The following POU2F3 variants were observed in gnomAD, a reference collection of about 807,000 sequenced individuals.
POU2F3 encodes POU domain, class 2, transcription factor 3.
POU2F3 carries 23 observed loss-of-function variants against 59.2 expected under a neutral mutation model. The ratio of observed to expected loss-of-function variants is 0.39; its 90% CI spans 0.28 to 0.55. The LOEUF (loss-of-function observed/expected upper bound fraction) is 0.55. POU2F3 is among the 20% of genes least tolerant of loss of function. The pLI is 0.66. For synonymous variants in POU2F3, 190 were observed against 214.6 expected, an observed-to-expected ratio of 0.89 and a Z score of 1.00; for missense variants, 473 against 544.5, an observed-to-expected ratio of 0.87 and a Z score of 1.31.
rs189350777 is a variant in POU2F3 at position 120,303,825 on chromosome 11, A to G, written c.445-1205A>G. 3.9e-5 allele frequency: 6 copies of G among 152,312 alleles called. No homozygotes were observed. In the East Asian group the frequency reaches 9.6e-4, roughly 24 times the overall value. The allele number at this position is 152,312 out of a possible 1,614,324, so 9.4% of individuals were successfully genotyped here. ...CCAAATATCCCAGAGGAGAAGAAGT[A>G]ATGTTTAGTCTACAAAAAGTAAATC... is the stretch of plus-strand genomic sequence containing the variant. On this transcript the variant is annotated intron_variant, in intron 6 of 12. Transcript: ENST00000543440.
At chr11:120,278,280 C>T (rs911488931) in intron 3 of POU2F3, among the ~76,000 whole-genome samples, 3 of 152,134 alleles carry the variant, frequency 2.0e-5, no homozygotes, top group African/African-American at 7.2e-5. Context: ...TCTTCTACAG[C>T]GCAAGATGTC....
intron 2 of POU2F3, among the ~76,000 whole-genome samples, chr11:120,266,572 G>A (rs1171003119): frequency 2.0e-5 from 3 of 152,050 alleles, no homozygotes; most frequent in Admixed American, 2.0e-4. Context: ...CCTCATTATT[G>A]TCCCTCAGCG....
chr11:120,298,538 A>C, intron 4 of POU2F3, 148 bp downstream of exon 4: 1 of 1,146,472 alleles, frequency 8.7e-7, no homozygotes, highest in South Asian at 1.7e-5. Flanking sequence ...GTTCTAAAAC[A>C]GTCCTCTTAC....
upstream of POU2F3, among the ~76,000 whole-genome samples, chr11:120,237,168 A>G (rs932745778): frequency 1.3e-5 from 2 of 152,182 alleles, no homozygotes; most frequent in Admixed American, 1.3e-4. Context: ...CGCAGGGCTA[A>G]TAATTGTACC....
rs150057507 is a variant in POU2F3 at position 120,317,342 on chromosome 11, G to T, written c.1249G>T (p.Ala417Ser). Residue 417 changes from alanine to serine, a missense_variant, in exon 12 of 13, where the codon GCC (alanine) becomes TCC (serine). Transcript: ENST00000543440. ...TAACTCCAAAGCAGCAGTGAACTCCGCCTCCAGTTTTAACTCTTCAGGGTA... is the reference window on the plus strand; with the variant it reads ...TAACTCCAAAGCAGCAGTGAACTCCTCCTCCAGTTTTAACTCTTCAGGGTA... Reference protein sequence around the residue: ...QNNSKAAVNSASSFNSSGSWY... With the variant: ...QNNSKAAVNSSSSFNSSGSWY... The T allele has an allele frequency of 1.2e-6, 2 of 1,614,148 alleles. No homozygotes were observed. The highest frequency in any genetic ancestry group is 3.3e-5 in the Admixed American group (2 of 60,010).
chr11:120,273,528 GTC>G lies in POU2F3; in HGVS notation c.132+4286_132+4287del. ...AAGATGTTGAATGCCTAGCAAAGAA[GTC>G]TGGGGCTTATTCTGTGGGCAGTAAG... is the stretch of plus-strand genomic sequence containing the variant. On this transcript the variant is annotated intron_variant, in intron 3 of 12. Coordinates refer to ENST00000543440, the MANE Select transcript of POU2F3 (RefSeq NM_014352.4). 2.0e-5 allele frequency among the ~76,000 whole-genome samples: 3 copies of G among 152,324 alleles called. No homozygotes were observed. The Middle Eastern group carries it at 0.01, about 518-fold the overall frequency.
intron 3 of POU2F3, among the ~76,000 whole-genome samples, chr11:120,281,202 G>T (rs1236046050): frequency 6.6e-6 from 1 of 151,976 alleles, no homozygotes; most frequent in East Asian, 1.9e-4. Context: ...CTTCCTACCT[G>T]ATACCAGGTC....
chr11:120,300,800 T>C (rs1941328304), intron 5 of POU2F3: 8 of 305,344 alleles, frequency 2.6e-5, no homozygotes, highest in South Asian at 2.1e-4. Context: ...ATAAACTCTC[T>C]CCTGTTGCAC....
In POU2F3 at chr11:120,312,638, G is replaced by C. The variant is rs375181180; in HGVS notation, c.1069-2723G>C. Among the ~76,000 whole-genome samples, 571 of 152,292 alleles carry C rather than the reference G, an allele frequency of 3.7e-3. 1 individual carries two copies. The highest frequency in any genetic ancestry group is 0.01 in the Middle Eastern group (3 of 294). On this transcript the variant is annotated intron_variant, in intron 10 of 12. Coordinates refer to ENST00000543440, the MANE Select transcript of POU2F3 (RefSeq NM_014352.4). ...TATTCATTCATTATTTCTTCCTTAA[G>C]CATTCACTGAGCACCTGCTATATGT... is the stretch of plus-strand genomic sequence containing the variant.
At chr11:120,281,255 G>A (rs553377735) in intron 3 of POU2F3, among the ~76,000 whole-genome samples, 2 of 151,766 alleles carry the variant, frequency 1.3e-5, no homozygotes, top group South Asian at 4.2e-4. Context: ...ACTTCCAGAG[G>A]GCTTCTCTAA....
chr11:120,241,098 A>T (rs1938644130), intron 1 of POU2F3, among the ~76,000 whole-genome samples: 1 of 152,208 alleles, frequency 6.6e-6, no homozygotes, highest in Non-Finnish European at 1.5e-5. Flanking sequence ...AGCTGGGCTA[A>T]GGCAGGAGCT....
chr11:120,271,185 TA>T (rs1385928084), intron 3 of POU2F3, among the ~76,000 whole-genome samples: 1 of 152,146 alleles, frequency 6.6e-6, no homozygotes, highest in Non-Finnish European at 1.5e-5. Context: ...ACCTGAGAAC[TA>T]AAACAGAGAT....
intron 3 of POU2F3, among the ~76,000 whole-genome samples, chr11:120,291,820 T>C (rs964462132): frequency 6.6e-6 from 1 of 151,812 alleles, no homozygotes; most frequent in Non-Finnish European, 1.5e-5. Context: ...TTTCTTTTTT[T>C]TTTTTTGAGA....
rs138749487 is a variant in POU2F3 at position 120,293,509 on chromosome 11, G to T, written c.133-4756G>T. Among the ~76,000 whole-genome samples, 168 of 152,228 alleles carry T rather than the reference G, an allele frequency of 1.1e-3. 1 individual carries two copies. Among genetic ancestry groups the T allele is most frequent in the Non-Finnish European group, 1.9e-3 (132 of 68,020 alleles). On this transcript the variant is annotated intron_variant, in intron 3 of 12. Transcript: ENST00000543440. ...CACTGCTAGGGAGAAGTGTAGAAAG[G>T]GGGAGAAAGAAAAAAAAATCTTGCC...
chr11:120,288,128 C>CAAAAAAAAAAAAAAAAAAAAAAA, intron 3 of POU2F3, among the ~76,000 whole-genome samples: 8 of 63,332 alleles, frequency 1.3e-4, no homozygotes, highest in Admixed American at 2.5e-4. Flanking sequence ...ACAAAAAAAC[C>CAAAAAAAAAAAAAAAAAAAAAAA]AAAAAAAAAA....
intron 2 of POU2F3, among the ~76,000 whole-genome samples, chr11:120,260,938 C>T (rs545590339): frequency 2.0e-5 from 3 of 152,086 alleles, no homozygotes; most frequent in East Asian, 3.9e-4. Context: ...TGTGGTAGCA[C>T]ACCTGTGGTC....
At chr11:120,293,195 T>C (rs1005599986) in intron 3 of POU2F3, among the ~76,000 whole-genome samples, 1 of 152,104 alleles carries the variant, frequency 6.6e-6, no homozygotes, top group African/African-American at 2.4e-5. Flanking sequence ...TAGGCTGCTA[T>C]ATAGTAGGTT....
chr11:120,240,113 C>G (rs1429206602), upstream of POU2F3: 5 of 1,157,010 alleles, frequency 4.3e-6, no homozygotes, highest in Admixed American at 9.5e-5. Flanking sequence ...CGGCGGCCCC[C>G]GCCCCGCGCC....
chr11:120,252,512 T>C (rs1026772898), intron 2 of POU2F3, among the ~76,000 whole-genome samples: 2 of 152,158 alleles, frequency 1.3e-5, no homozygotes, highest in Non-Finnish European at 2.9e-5. Flanking sequence ...CCAGCCTTGT[T>C]CTGCCCTTCT....
Sources: gnomAD v4.1 joint callset for allele counts (sites outside exome capture counted in the v4.1 genomes callset) on GRCh38, gnomAD v4.1.1 for gene constraint, MANE v1.5 for transcripts, NCBI Gene and HGNC (gene_info 2026-07-23, HGNC 2026-07-21) for gene names.